Variants in PDE4A observed in about 807,000 individuals in gnomAD.
The protein encoded by PDE4A is phosphodiesterase 4A.
Under a neutral mutation model 73.9 loss-of-function variants are expected in PDE4A, and 21 were observed. The observed-to-expected ratio is 0.28, with a 90% CI of 0.20 to 0.41. The LOEUF (loss-of-function observed/expected upper bound fraction) is 0.41. Among genes scored for constraint, PDE4A ranks in the 10% least tolerant of loss-of-function variants. The pLI, the probability that PDE4A is intolerant of heterozygous loss-of-function variation, is 1.00. For missense variants in PDE4A, 958 were observed against 1,211.4 expected (o/e 0.79, Z 3.10); for synonymous variants, 463 against 505.4 (o/e 0.92, Z 1.13).
chr19:10,433,839 A>T (rs78916770), intron 1 of PDE4A, among the ~76,000 whole-genome samples: 11,594 of 152,264 alleles, frequency 0.076, 687 homozygotes, highest in Non-Finnish European at 0.11. Context: ...TCAGGTGGAA[A>T]AGCACGGGGA....
At chr19:10,432,054 G>A (rs1006377396) in intron 1 of PDE4A, among the ~76,000 whole-genome samples, 8 of 151,718 alleles carry the variant, frequency 5.3e-5, no homozygotes, top group Non-Finnish European at 1.0e-4. Context: ...CCTCGAGCGG[G>A]CCCAGCTCGA....
intron 7 of PDE4A, among the ~76,000 whole-genome samples, chr19:10,457,008 G>A (rs2043180650): frequency 6.6e-6 from 1 of 151,972 alleles, no homozygotes; most frequent in East Asian, 1.9e-4. Flanking sequence ...GACCAGCCTG[G>A]CCAACATGAT....
intron 8 of PDE4A, 60 bp from the exon 9 acceptor site, chr19:10,459,340 A>G: frequency 6.2e-7 from 1 of 1,612,098 alleles, no homozygotes; most frequent in Non-Finnish European, 8.5e-7. Flanking sequence ...ACTCCTAGGA[A>G]ATGTTCTCCA....
At chr19:10,421,292 C>G in intron 1 of PDE4A, 1 of 985,360 alleles carries the variant, frequency 1.0e-6, no homozygotes, top group Non-Finnish European at 1.2e-6. Flanking sequence ...ATCCTGGGGT[C>G]CATTTAGGGG....
rs1328908699 is a variant in PDE4A, at chr19:10,429,895, G to C, written c.320+8811G>C. Among the ~76,000 whole-genome samples, 3 of 152,222 alleles carry C rather than the reference G, an allele frequency of 2.0e-5. No homozygotes were observed. The East Asian group carries it at 5.8e-4, about 29-fold the overall frequency. On this transcript the variant is annotated intron_variant, in intron 1 of 14. Coordinates refer to ENST00000380702, the MANE Select transcript of PDE4A (RefSeq NM_001111307.2). ...TTGTCTTGGGGTCTCAGCACTTGTG[G>C]GGGCATCTCAGAGATGCTGTAGAAC...
At chr19:10,445,517 C>CA (rs1300574090) in intron 1 of PDE4A, among the ~76,000 whole-genome samples, 1 of 152,086 alleles carries the variant, frequency 6.6e-6, no homozygotes, top group African/African-American at 2.4e-5. Context: ...CCTGTAATCC[C>CA]AGCACTTTGG....
In PDE4A at chr19:10,467,701, A is replaced by G. The variant is rs2043404628; in HGVS notation, c.*80A>G. 3 of 1,087,034 alleles carry G rather than the reference A, an allele frequency of 2.8e-6. No homozygotes were observed. 67.3% of individuals were successfully genotyped at this position (1,087,034 alleles called of 1,614,324 possible). A position where few individuals can be genotyped will look rare whatever the true frequency, so the allele number is the denominator to read the frequency against. ...CCCGACCACCTCCTCCTCTGCCTCA[A>G]AGACTCTTGTCCTCTTGTCCCTCCT... On this transcript the variant is annotated 3_prime_UTR_variant, in exon 15 of 15. Coordinates refer to ENST00000380702, the MANE Select transcript of PDE4A (RefSeq NM_001111307.2).
intron 13 of PDE4A, among the ~76,000 whole-genome samples, chr19:10,462,376 TC>T (rs1424954542): frequency 2.0e-5 from 3 of 151,964 alleles, no homozygotes; most frequent in Non-Finnish European, 4.4e-5. Context: ...GGTCTCGAAC[TC>T]CCGACCTCAG....
intron 6 of PDE4A, among the ~76,000 whole-genome samples, 187 bp downstream of exon 6, chr19:10,451,128 T>G (rs546446244): frequency 1.5e-3 from 223 of 152,160 alleles, no homozygotes; most frequent in African/African-American, 5.1e-3. Flanking sequence ...GGGCGGGGGC[T>G]GGTGGAGCTG....
At chr19:10,466,799 G>A (rs1310830045) in intron 14 of PDE4A, 88 bp from the exon 15 acceptor site, 1 of 1,526,454 alleles carries the variant, frequency 6.6e-7, no homozygotes, top group Non-Finnish European at 8.7e-7. Flanking sequence ...CGGCCCATAA[G>A]CATGTTTTTC....
At chr19:10,436,847 C>T (rs1024145728) in intron 1 of PDE4A, among the ~76,000 whole-genome samples, 1 of 152,050 alleles carries the variant, frequency 6.6e-6, no homozygotes, top group Non-Finnish European at 1.5e-5. Flanking sequence ...CGAGACTGGC[C>T]TGGCCAACAT....
intron 1 of PDE4A, among the ~76,000 whole-genome samples, chr19:10,439,219 T>C (rs2042904742): frequency 6.6e-6 from 1 of 152,100 alleles, no homozygotes; most frequent in Non-Finnish European, 1.5e-5. Context: ...TCTCATTCTG[T>C]CGGCCAGGCT....
At chr19:10,430,898 C>G in intron 1 of PDE4A, 4 of 1,487,364 alleles carry the variant, frequency 2.7e-6, no homozygotes, top group Non-Finnish European at 3.6e-6. Context: ...TGGTGGCCTT[C>G]CCGGTGGCGG....
At chr19:10,421,316 C>T (rs1267110953) in intron 1 of PDE4A, 2 of 985,182 alleles carry the variant, frequency 2.0e-6, no homozygotes, top group Non-Finnish European at 2.4e-6. Flanking sequence ...CCACGCTGCG[C>T]GTGGTGTTAA....
chr19:10,459,349 C>T (rs1207812268), intron 8 of PDE4A, 51 bp from the exon 9 acceptor site: 1 of 1,613,426 alleles, frequency 6.2e-7, no homozygotes, highest in Non-Finnish European at 8.5e-7. Flanking sequence ...AAATGTTCTC[C>T]AGGGCCCTGA....
chr19:10,441,535 T>C (rs1479794015), intron 1 of PDE4A, among the ~76,000 whole-genome samples: 2 of 152,080 alleles, frequency 1.3e-5, no homozygotes, highest in Admixed American at 6.6e-5. Context: ...CAAAAGTCTT[T>C]CATTTTGTTG....
At chr19:10,430,874 C>T in intron 1 of PDE4A, 2 of 1,447,116 alleles carry the variant, frequency 1.4e-6, no homozygotes, top group Non-Finnish European at 9.0e-7. Context: ...TAGGCCGCAT[C>T]CCGGAGCTGC....
intron 14 of PDE4A, among the ~76,000 whole-genome samples, chr19:10,465,350 AGCT>A (rs1400301113): frequency 6.6e-6 from 1 of 151,830 alleles, no homozygotes; most frequent in Non-Finnish European, 1.5e-5. Context: ...CCTCCCGAGA[AGCT>A]GGAATTACAG....
chr19:10,426,130 A>G (rs2042715563), intron 1 of PDE4A, among the ~76,000 whole-genome samples: 1 of 151,586 alleles, frequency 6.6e-6, no homozygotes, highest in Non-Finnish European at 1.5e-5. Context: ...CTGGAGTTTG[A>G]GACCAGCCTG....
Sources: gnomAD v4.1 joint callset for allele counts (sites outside exome capture counted in the v4.1 genomes callset) on GRCh38, gnomAD v4.1.1 for gene constraint, MANE v1.5 for transcripts, NCBI Gene and HGNC (gene_info 2026-07-23, HGNC 2026-07-21) for gene names.